The following GRID2 variants were observed in gnomAD, a reference collection of about 807,000 sequenced individuals.
GRID2 encodes glutamate receptor ionotropic, delta-2.
In GRID2, 33 loss-of-function variants were observed where a neutral mutation model predicts 114.8. That is an observed-to-expected ratio of 0.29 (90% CI 0.22 to 0.38). The LOEUF is 0.38. Among genes scored for constraint, GRID2 ranks in the 10% least tolerant of loss-of-function variants. The pLI, the probability that GRID2 is intolerant of heterozygous loss-of-function variation, is 1.00. For missense variants in GRID2, 1,184 were observed against 1,257.7 expected (o/e 0.94, Z 0.89); for synonymous variants, 505 against 449.9 (o/e 1.12, Z -1.55).
At chr4:92,685,603 A>G (rs1420953173) in intron 2 of GRID2, among the ~76,000 whole-genome samples, 1 of 152,110 alleles carries the variant, frequency 6.6e-6, no homozygotes, top group East Asian at 1.9e-4. Context: ...AACTATCTGC[A>G]CATATTTTCA....
At chr4:93,124,576 T>A in intron 4 of GRID2, among the ~76,000 whole-genome samples, 1 of 152,204 alleles carries the variant, frequency 6.6e-6, no homozygotes, top group East Asian at 1.9e-4. Context: ...TATTTGCCAA[T>A]CTGGGTTAGT....
intron 1 of GRID2, among the ~76,000 whole-genome samples, chr4:92,582,608 A>G (rs1012768482): frequency 1.3e-5 from 2 of 152,006 alleles, no homozygotes; most frequent in Non-Finnish European, 2.9e-5. Flanking sequence ...AAATTTTATA[A>G]AACAAAATGT....
At chr4:93,357,043 AT>A (rs916966297) in intron 8 of GRID2, among the ~76,000 whole-genome samples, 44 of 151,524 alleles carry the variant, frequency 2.9e-4, no homozygotes, top group Non-Finnish European at 4.6e-4. Context: ...CCTGTTTTCA[AT>A]TTTTTTTATG....
chr4:93,327,112 A>G (rs1158233325), intron 8 of GRID2, among the ~76,000 whole-genome samples: 1 of 152,050 alleles, frequency 6.6e-6, no homozygotes, highest in Non-Finnish European at 1.5e-5. Context: ...ATGTATTTAT[A>G]TTCTTTTCCT....
chr4:93,191,022 G>A (rs943380968), intron 4 of GRID2, among the ~76,000 whole-genome samples: 2 of 151,936 alleles, frequency 1.3e-5, no homozygotes, highest in Non-Finnish European at 2.9e-5. Context: ...AATTTTATTA[G>A]TTCTGAGAAT....
intron 2 of GRID2, among the ~76,000 whole-genome samples, chr4:92,795,616 C>T (rs558079759): frequency 6.6e-6 from 1 of 152,082 alleles, no homozygotes; most frequent in Admixed American, 6.6e-5. Flanking sequence ...GTGTCTATAC[C>T]ATACCAATCC....
At chr4:93,082,221 A>G (rs1433710829) in intron 2 of GRID2, among the ~76,000 whole-genome samples, 2 of 152,134 alleles carry the variant, frequency 1.3e-5, no homozygotes, top group Non-Finnish European at 2.9e-5. Context: ...CAGTGGGACT[A>G]CCTCCTTTCA....
chr4:93,013,113 A>G (rs971902453), intron 2 of GRID2, among the ~76,000 whole-genome samples: 5 of 152,080 alleles, frequency 3.3e-5, no homozygotes, highest in African/African-American at 1.2e-4. Flanking sequence ...TCTCAAAGAA[A>G]GGTTGCACTA....
chr4:93,494,520 G>A (rs112465213), intron 12 of GRID2, among the ~76,000 whole-genome samples: 2 of 151,906 alleles, frequency 1.3e-5, no homozygotes, highest in African/African-American at 4.8e-5. Flanking sequence ...ATATCTATGG[G>A]CATCTAATCT....
At position 92,910,334 on chromosome 4, in the gene GRID2, G is replaced by A. The variant is rs115579853; in HGVS notation, c.245-174661G>A. 8.9e-4 allele frequency among the ~76,000 whole-genome samples: 135 copies of A among 152,164 alleles called. 1 individual carries two copies. In the Middle Eastern group the frequency reaches 0.014, roughly 15 times the overall value. On this transcript the variant is annotated intron_variant, in intron 2 of 15. Coordinates refer to ENST00000282020, the MANE Select transcript of GRID2 (RefSeq NM_001510.4). The stretch of plus-strand genomic sequence containing the variant: ...AGAGAACCTGCTGAGCAGATCTGAG[G>A]TGCCAATTACTTCAGTTCATATATT...
intron 1 of GRID2, among the ~76,000 whole-genome samples, chr4:92,512,436 A>G (rs1724299730): frequency 1.3e-5 from 2 of 151,834 alleles, no homozygotes; most frequent in South Asian, 4.1e-4. Context: ...AAAACATAGT[A>G]AGCTTTCTCT....
chr4:92,969,808 C>G (rs980276295), intron 2 of GRID2, among the ~76,000 whole-genome samples: 1 of 151,782 alleles, frequency 6.6e-6, no homozygotes, highest in Non-Finnish European at 1.5e-5. Context: ...CCCTTGTTTC[C>G]CTTTGAAAGA....
intron 8 of GRID2, among the ~76,000 whole-genome samples, chr4:93,356,081 T>C (rs1420284871): frequency 6.6e-6 from 1 of 152,092 alleles, no homozygotes; most frequent in Non-Finnish European, 1.5e-5. Flanking sequence ...CATTATTGTT[T>C]AAAAATCACA....
intron 13 of GRID2, among the ~76,000 whole-genome samples, chr4:93,528,841 T>C (rs1051854468): frequency 6.6e-6 from 1 of 152,210 alleles, no homozygotes; most frequent in African/African-American, 2.4e-5. Context: ...TCCTAAACTC[T>C]GGGAATGTTT....
intron 2 of GRID2, among the ~76,000 whole-genome samples, chr4:92,991,883 C>T (rs867155711): frequency 2.0e-5 from 3 of 152,120 alleles, no homozygotes; most frequent in African/African-American, 7.2e-5. Flanking sequence ...CACATTACCA[C>T]ATTACAGGAT....
chr4:93,555,222 C>A (rs916808806), intron 13 of GRID2, among the ~76,000 whole-genome samples: 1 of 152,004 alleles, frequency 6.6e-6, no homozygotes, highest in Non-Finnish European at 1.5e-5. Context: ...ACTTTTTTTT[C>A]ATACCCCAGT....
intron 14 of GRID2, among the ~76,000 whole-genome samples, chr4:93,653,276 A>G (rs1159691310): frequency 6.6e-6 from 1 of 152,236 alleles, no homozygotes; most frequent in Non-Finnish European, 1.5e-5. Context: ...TTTCCACCCC[A>G]GTGCTTAGTC....
chr4:92,418,174 C>G (rs1444381718), intron 1 of GRID2, among the ~76,000 whole-genome samples: 4 of 152,084 alleles, frequency 2.6e-5, no homozygotes, highest in Non-Finnish European at 5.9e-5. Flanking sequence ...TCTGAAGAAG[C>G]AGTGACTGAG....
intron 1 of GRID2, among the ~76,000 whole-genome samples, chr4:92,402,078 T>C (rs79863475): frequency 1.3e-5 from 2 of 152,312 alleles, no homozygotes; most frequent in Admixed American, 6.5e-5. Flanking sequence ...ACTTTTTTTT[T>C]CCTCATTCGT....
Sources: gnomAD v4.1 joint callset for allele counts (sites outside exome capture counted in the v4.1 genomes callset) on GRCh38, gnomAD v4.1.1 for gene constraint, MANE v1.5 for transcripts, NCBI Gene and HGNC (gene_info 2026-07-23, HGNC 2026-07-21) for gene names.